Variants in ANGPTL5 observed in about 807,000 individuals in gnomAD.
The protein encoded by ANGPTL5 is angiopoietin-related protein 5.
ANGPTL5 carries 34 observed loss-of-function variants against 39.4 expected under a neutral mutation model. That is an observed-to-expected ratio of 0.86 (90% confidence interval 0.66 to 1.15). ANGPTL5 has a LOEUF of 1.15. ANGPTL5 is among the 50% of genes most tolerant of loss of function. The pLI is 0.00. For synonymous variants in ANGPTL5, 146 were observed against 152.1 expected, an observed-to-expected ratio of 0.96 and a Z score of 0.29; for missense variants, 467 against 457.5, an observed-to-expected ratio of 1.02 and a Z score of -0.19.
In ANGPTL5 at chr11:101,898,058, T is replaced by C. The variant is rs147453527; in HGVS notation, c.661+2372A>G. Among the ~76,000 whole-genome samples the C allele has an allele frequency of 7.2e-3, 1,102 of 152,102 alleles. 14 individuals are homozygous for C. Among genetic ancestry groups the C allele is most frequent in the African/African-American group, 0.026 (1,063 of 41,470 alleles). Reference sequence around the variant, plus strand: ...GATCAACATGGTGAAACCCCATCTCTATTAAATTACAAAAATTAGCTGGGC... The same window carrying C: ...GATCAACATGGTGAAACCCCATCTCCATTAAATTACAAAAATTAGCTGGGC... On this transcript the variant is annotated intron_variant, in intron 7 of 8. Coordinates refer to ENST00000334289, the MANE Select transcript of ANGPTL5 (RefSeq NM_178127.5).
chr11:101,911,417 C>T lies in ANGPTL5; in HGVS notation c.-92-3416G>A, dbSNP rs187195229. On this transcript the variant is annotated intron_variant, in intron 1 of 8. Transcript: ENST00000334289. The stretch of plus-strand genomic sequence containing the variant: ...GGGATTACAGGCGTGAGCCACCATG[C>T]CAGGCCTCCCCGCCCAAATCTTACG... Among the ~76,000 whole-genome samples the T allele has an allele frequency of 7.2e-5, 11 of 152,208 alleles. No homozygotes were observed. In the East Asian group the frequency reaches 1.5e-3, roughly 21 times the overall value.
At chr11:101,897,148 G>A (rs559633547) in intron 7 of ANGPTL5, among the ~76,000 whole-genome samples, 2 of 152,278 alleles carry the variant, frequency 1.3e-5, no homozygotes, top group South Asian at 4.1e-4. Context: ...CCGCTTAAAT[G>A]TCGTCTTTTG....
At chr11:101,915,428 T>C in intron 1 of ANGPTL5, 2 of 1,596,352 alleles carry the variant, frequency 1.3e-6, no homozygotes, top group Non-Finnish European at 1.7e-6. Flanking sequence ...CTTCCCAGCC[T>C]GTGGCTGCCA....
At chr11:101,914,229 CACTG>C (rs1166120282) in intron 1 of ANGPTL5, among the ~76,000 whole-genome samples, 1 of 152,138 alleles carries the variant, frequency 6.6e-6, no homozygotes, top group Non-Finnish European at 1.5e-5. Context: ...TCCAAGAAAA[CACTG>C]ACTGAAATAC....
chr11:101,900,512 A>G lies in ANGPTL5; in HGVS notation c.579T>C (p.Thr193=), dbSNP rs17854572. 2.7e-5 allele frequency: 43 copies of G among 1,612,858 alleles called. 1 individual carries two copies. The African/African-American group carries it at 4.9e-4, about 18-fold the overall frequency. ...TCCCATCAATTCTTTTCTGTATCAC[A>G]GTCCGTCCACCTCCTCTGTAATCCA... is the stretch of plus-strand genomic sequence containing the variant. ...CDMDYRGGGR[T]VIQKRIDGII... is the part of the protein sequence containing the mutation. Residue 193 remains threonine (T), a synonymous_variant, in exon 7 of 9, where the codon ACT becomes ACC. Coordinates refer to ENST00000334289, the MANE Select transcript of ANGPTL5 (RefSeq NM_178127.5).
chr11:101,892,675 G>C (rs1238500515), intron 8 of ANGPTL5, among the ~76,000 whole-genome samples: 1 of 152,164 alleles, frequency 6.6e-6, no homozygotes, highest in Non-Finnish European at 1.5e-5. Flanking sequence ...AAGATTCTAA[G>C]TAAACCCATA....
At chr11:101,915,123 C>T in intron 1 of ANGPTL5, 1 of 1,090,308 alleles carries the variant, frequency 9.2e-7, no homozygotes, top group Non-Finnish European at 1.3e-6. Context: ...GCACCAGTGC[C>T]GCTGCGCGGG....
chr11:101,915,769 A>G (rs1416341358), intron 1 of ANGPTL5, among the ~76,000 whole-genome samples: 4 of 152,138 alleles, frequency 2.6e-5, no homozygotes, highest in African/African-American at 4.8e-5. Flanking sequence ...CTACTTGGAG[A>G]GAGAAATTAC....
At chr11:101,896,829 T>C (rs1464252418) in intron 7 of ANGPTL5, among the ~76,000 whole-genome samples, 3 of 152,192 alleles carry the variant, frequency 2.0e-5, no homozygotes, top group African/African-American at 7.2e-5. Flanking sequence ...TGTACATGTG[T>C]CTTTATAGTA....
Position 101,891,178 on chromosome 11 carries a change from A to C in ANGPTL5, c.*101T>G. ...AACATCTAAATGCCATCTACAGTTA[A>C]ATTTTGCCTAATATGTTTGAAACAC... On this transcript the variant is annotated 3_prime_UTR_variant, in exon 9 of 9. Transcript: ENST00000334289. 9.0e-7 allele frequency: 1 copy of C among 1,110,834 alleles called. No homozygotes were observed. Among genetic ancestry groups the C allele is most frequent in the Non-Finnish European group, 1.3e-6 (1 of 793,268 alleles). 68.8% of individuals were successfully genotyped at this position (1,110,834 alleles called of 1,614,324 possible). A position where few individuals can be genotyped will look rare whatever the true frequency, so the allele number is the denominator to read the frequency against.
intron 3 of ANGPTL5, 30 bp downstream of exon 3, chr11:101,907,073 C>G (rs181594667): frequency 2.8e-5 from 41 of 1,456,130 alleles, no homozygotes; most frequent in Non-Finnish European, 3.6e-5. Flanking sequence ...ATCATATACT[C>G]TTATTATTTT....
At chr11:101,909,628 A>G (rs1188103708) in intron 1 of ANGPTL5, among the ~76,000 whole-genome samples, 1 of 152,222 alleles carries the variant, frequency 6.6e-6, no homozygotes, top group African/African-American at 2.4e-5. Context: ...GTTCTTTCAC[A>G]TCTTGCCCAG....
intron 3 of ANGPTL5, among the ~76,000 whole-genome samples, chr11:101,906,216 G>T (rs1012186121): frequency 7.9e-5 from 12 of 152,010 alleles, no homozygotes; most frequent in Non-Finnish European, 1.5e-5. Context: ...GAAAGTTAGT[G>T]GTGACAGTTT....
chr11:101,894,774 G>T, intron 8 of ANGPTL5, 105 bp downstream of exon 8: 1 of 1,095,292 alleles, frequency 9.1e-7, no homozygotes, highest in Non-Finnish European at 1.4e-6. Context: ...CCTGTTATCA[G>T]TTATGTGTTA....
chr11:101,906,394 C>A (rs975780331), intron 3 of ANGPTL5, among the ~76,000 whole-genome samples: 1 of 151,970 alleles, frequency 6.6e-6, no homozygotes, highest in South Asian at 2.1e-4. Context: ...ATACATTTTC[C>A]TTTTAAAAAT....
chr11:101,905,425 AACATT>A (rs576869985), intron 4 of ANGPTL5, among the ~76,000 whole-genome samples: 81 of 152,300 alleles, frequency 5.3e-4, no homozygotes, highest in African/African-American at 1.9e-3. Flanking sequence ...TGATTTTTAA[AACATT>A]TATTCATCCT....
intron 1 of ANGPTL5, among the ~76,000 whole-genome samples, chr11:101,911,686 T>G (rs1041051720): frequency 6.6e-6 from 1 of 152,186 alleles, no homozygotes; most frequent in Non-Finnish European, 1.5e-5. Flanking sequence ...CAGAAGCAGA[T>G]GCTGCCATGC....
chr11:101,910,324 T>C (rs140256719), intron 1 of ANGPTL5, among the ~76,000 whole-genome samples: 6,747 of 150,796 alleles, frequency 0.045, 211 homozygotes, highest in African/African-American at 0.086. Context: ...GCAGGAGGAT[T>C]GCTTGAACCC....
At chr11:101,895,515 C>T (rs1246082901) in intron 7 of ANGPTL5, among the ~76,000 whole-genome samples, 1 of 152,164 alleles carries the variant, frequency 6.6e-6, no homozygotes, top group Non-Finnish European at 1.5e-5. Context: ...TCAGCGGTTC[C>T]TGAAGAAAAA....
Sources: gnomAD v4.1 joint callset for allele counts (sites outside exome capture counted in the v4.1 genomes callset) on GRCh38, gnomAD v4.1.1 for gene constraint, MANE v1.5 for transcripts, NCBI Gene and HGNC (gene_info 2026-07-23, HGNC 2026-07-21) for gene names.